The following TARM1 variants were observed in gnomAD, a reference collection of about 807,000 sequenced individuals.
The protein encoded by TARM1 is T cell-interacting, activating receptor on myeloid cells 1, also known as T-cell-interacting, activating receptor on myeloid cells protein 1.
Under a neutral mutation model 30.4 loss-of-function variants are expected in TARM1, and 24 were observed. The observed-to-expected ratio is 0.79, with a 90% CI of 0.57 to 1.11. The LOEUF is 1.11. Ranked by LOEUF, TARM1 falls within the 50% of genes least tolerant of loss-of-function variation. The pLI is 0.00. For missense variants in TARM1, 323 were observed against 332.8 expected (o/e 0.97, Z 0.23); for synonymous variants, 129 against 138.9 (o/e 0.93, Z 0.50).
At chr19:54,071,994 C>T (rs1466023576) in intron 4 of TARM1, among the ~76,000 whole-genome samples, 4 of 152,086 alleles carry the variant, frequency 2.6e-5, no homozygotes, top group African/African-American at 9.7e-5. Flanking sequence ...AGTTCGAGAC[C>T]AGCCTGGCCA....
intron 4 of TARM1, among the ~76,000 whole-genome samples, chr19:54,073,580 G>A (rs969085052): frequency 3.3e-5 from 5 of 150,996 alleles, no homozygotes; most frequent in Admixed American, 6.6e-5. Context: ...TGCAACCTCC[G>A]CCTCCCATGT....
At chr19:54,081,109 C>T (rs8112586) in intron 1 of TARM1, among the ~76,000 whole-genome samples, 198 bp downstream of exon 1, 6,666 of 152,210 alleles carry the variant, frequency 0.044, 414 homozygotes, top group African/African-American at 0.14. Flanking sequence ...GCAAAACTCA[C>T]GAAGTTGAAA....
intron 2 of TARM1, among the ~76,000 whole-genome samples, chr19:54,075,350 G>A (rs587657535): frequency 5.3e-5 from 8 of 151,764 alleles, no homozygotes; most frequent in African/African-American, 1.9e-4. Context: ...ACCACACCCA[G>A]CTAATTTTGT....
intron 4 of TARM1, among the ~76,000 whole-genome samples, chr19:54,072,499 GA>G (rs1370156618): frequency 2.6e-5 from 4 of 152,094 alleles, no homozygotes; most frequent in Non-Finnish European, 5.9e-5. Context: ...ACCATGTTCT[GA>G]GGATGAGATA....
chr19:54,077,345 A>T (rs1269304169), intron 1 of TARM1, among the ~76,000 whole-genome samples: 1 of 151,714 alleles, frequency 6.6e-6, no homozygotes, highest in East Asian at 1.9e-4. Context: ...GCACCACTGC[A>T]CTCCAGCCTG....
At chr19:54,073,407 CAAAAAAAAAAAA>C (rs745643672) in intron 4 of TARM1, among the ~76,000 whole-genome samples, 7 of 66,078 alleles carry the variant, frequency 1.1e-4, no homozygotes, top group Admixed American at 2.6e-4. Flanking sequence ...GACTCCATTT[CAAAAAAAAAAAA>C]AAAAAAAAAA....
rs186421825 is a variant in TARM1, at chr19:54,075,150, C to T, written c.71-36G>A. 5,883 of 1,528,624 alleles carry T rather than the reference C, an allele frequency of 3.8e-3. 15 individuals carry two copies. Among genetic ancestry groups the T allele is most frequent in the Non-Finnish European group, 4.3e-3 (4,928 of 1,135,322 alleles). 94.7% of individuals were successfully genotyped at this position (1,528,624 alleles called of 1,614,324 possible). A position where few individuals can be genotyped will look rare whatever the true frequency, so the allele number is the denominator to read the frequency against. On this transcript the variant is annotated intron_variant, in intron 2 of 4. Transcript: ENST00000432826. ...GCAGAGCCTGATGCTGGACCCGATG[C>T]CCTCCCCTGCTCTCAGGAAGCCCTT...
chr19:54,076,009 G>T, intron 1 of TARM1, 91 bp from the exon 2 acceptor site: 1 of 1,502,814 alleles, frequency 6.7e-7, no homozygotes, highest in South Asian at 1.2e-5. Context: ...AGAGTCTCCT[G>T]CTGAGAACAG....
At position 54,079,798 on chromosome 19, in the gene TARM1, C is replaced by T. The variant is rs182741561; in HGVS notation, c.34+1509G>A. On this transcript the variant is annotated intron_variant, in intron 1 of 4. Transcript: ENST00000432826. ...CACCTGAGGTGATCACCTGAGGGAG[C>T]TCAAGACCAGCCTGGCCAACATGAT... Among the ~76,000 whole-genome samples the T allele has an allele frequency of 4.9e-4, 74 of 151,696 alleles. No individual in the cohort carries two copies. In the East Asian group the frequency reaches 6.3e-3, roughly 13 times the overall value.
intron 4 of TARM1, among the ~76,000 whole-genome samples, chr19:54,071,118 C>T (rs72626275): frequency 0.18 from 27,025 of 151,898 alleles, 2,574 homozygotes; most frequent in Middle Eastern, 0.29. Context: ...CCACCACACC[C>T]GGCTAATTTT....
At chr19:54,071,586 A>G (rs4806704) in intron 4 of TARM1, among the ~76,000 whole-genome samples, 106,919 of 151,518 alleles carry the variant, frequency 0.71, 37,931 homozygotes, top group East Asian at 0.88. Context: ...GGGAGGCTAA[A>G]GTGGGAGGAT....
intron 1 of TARM1, among the ~76,000 whole-genome samples, chr19:54,080,136 GAAGAAAGC>G (rs1445286608): frequency 1.6e-5 from 1 of 63,778 alleles, no homozygotes; most frequent in Admixed American, 1.9e-4. Context: ...AGGAAGGAAG[GAAGAAAGC>G]AAGCAAGCAA....
intron 1 of TARM1, chr19:54,076,234 T>C: frequency 6.6e-7 from 1 of 1,514,340 alleles, no homozygotes. Context: ...TTTCTTTCTT[T>C]CTTTTTCTTT....
At chr19:54,079,472 A>C (rs1708843145) in intron 1 of TARM1, among the ~76,000 whole-genome samples, 1 of 152,158 alleles carries the variant, frequency 6.6e-6, no homozygotes, top group African/African-American at 2.4e-5. Context: ...TGTTTTTAGA[A>C]AGATCAGCAT....
chr19:54,081,331 T>C lies in TARM1; in HGVS notation c.10A>G (p.Lys4Glu). The stretch of plus-strand genomic sequence containing the variant: ...CTGAAACAGAGGAGGGAAAGCAGCT[T>C]AGGGATCATGATGGCTCCTTAGCCC... Reference protein sequence around the residue: MIPKLLSLLCFRLC... With the variant: MIPELLSLLCFRLC... Residue 4 changes from lysine to glutamate, a missense_variant, in exon 1 of 5, where the codon AAG (lysine) becomes GAG (glutamate). By Grantham distance (56) the Lys-to-Glu change is moderately conservative (BLOSUM62 1). Coordinates refer to ENST00000432826, the MANE Select transcript of TARM1 (RefSeq NM_001135686.3). 1 of 1,544,350 alleles carries C rather than the reference T, an allele frequency of 6.5e-7. No individual in the cohort carries two copies. Among genetic ancestry groups the C allele is most frequent in the East Asian group, 2.5e-5 (1 of 39,960 alleles).
At chr19:54,080,490 GGAAGGGAGGAAGGAAGGAAGGA>G (rs2072098675) in intron 1 of TARM1, among the ~76,000 whole-genome samples, 8 of 85,108 alleles carry the variant, frequency 9.4e-5, no homozygotes, top group South Asian at 5.2e-4. Flanking sequence ...GAGAGAGGAA[GGAAGGGAGGAAGGAAGGAAGGA>G]AGGAAGGAAG....
At chr19:54,072,104 G>A (rs1200048839) in intron 4 of TARM1, among the ~76,000 whole-genome samples, 3 of 151,856 alleles carry the variant, frequency 2.0e-5, no homozygotes, top group East Asian at 1.9e-4. Flanking sequence ...CAGAAGAATC[G>A]TTTGAACCTG....
chr19:54,074,789 C>T, intron 3 of TARM1, 35 bp downstream of exon 3: 1 of 1,539,420 alleles, frequency 6.5e-7, no homozygotes, highest in Non-Finnish European at 8.8e-7. Flanking sequence ...CATCCCCTGT[C>T]CCCCGTATGT....
rs200064713 is a variant in TARM1, at chr19:54,070,961, TTTG to T, written c.659-804_659-802del. Reference sequence around the variant, plus strand: ...ATCCCTGAAAACAAAAGATGGAATCTTTGTTGTTGTTTTTGAGACGACGTCTCA... The same window carrying T: ...ATCCCTGAAAACAAAAGATGGAATCTTTGTTGTTTTTGAGACGACGTCTCA... On this transcript the variant is annotated intron_variant, in intron 4 of 4. Transcript: ENST00000432826. 1.1e-3 allele frequency among the ~76,000 whole-genome samples: 172 copies of T among 152,188 alleles called. 2 individuals are homozygous for T. The East Asian group carries it at 0.025, about 22-fold the overall frequency.
Sources: allele counts gnomAD v4.1 joint callset (sites outside exome capture counted in the v4.1 genomes callset), GRCh38; gene constraint gnomAD v4.1.1; transcripts MANE v1.5; gene names NCBI Gene and HGNC (gene_info 2026-07-23, HGNC 2026-07-21).